The following PGM5 variants were observed in gnomAD, a reference collection of about 807,000 sequenced individuals.
PGM5 encodes the protein phosphoglucomutase-like protein 5.
In PGM5, 23 loss-of-function variants were observed where a neutral mutation model predicts 59.2. The observed-to-expected ratio is 0.39, with a 90% CI of 0.28 to 0.55. PGM5 has a LOEUF of 0.55. PGM5 is among the 20% of genes least tolerant of loss of function. The pLI, the probability that PGM5 is intolerant of heterozygous loss-of-function variation, is 0.66. For missense variants in PGM5, 574 were observed against 748.3 expected (o/e 0.77, Z 2.72); for synonymous variants, 214 against 286.0 (o/e 0.75, Z 2.54).
chr9:68,380,208 C>A lies in PGM5; in HGVS notation c.424+1847C>A, dbSNP rs1341420589. Among the ~76,000 whole-genome samples, 12 of 152,126 alleles carry A rather than the reference C, an allele frequency of 7.9e-5. No individual in the cohort carries two copies. In the East Asian group the frequency reaches 1.4e-3, roughly 17 times the overall value. On this transcript the variant is annotated intron_variant, in intron 2 of 10. Transcript: ENST00000396396. Reference sequence around the variant, plus strand: ...ACCATATGTTAGGCCACAAAATAAACCTTAACAAATTCAAAAAGATTGAAA... The same window carrying A: ...ACCATATGTTAGGCCACAAAATAAAACTTAACAAATTCAAAAAGATTGAAA...
chr9:68,370,501 A>C (rs1821665191), intron 1 of PGM5, among the ~76,000 whole-genome samples: 1 of 152,166 alleles, frequency 6.6e-6, no homozygotes, highest in Admixed American at 6.5e-5. Flanking sequence ...TAGAAATGGA[A>C]CTCATACTAA....
intron 6 of PGM5, among the ~76,000 whole-genome samples, chr9:68,409,200 G>A (rs199878084): frequency 2.0e-5 from 3 of 147,550 alleles, no homozygotes; most frequent in African/African-American, 7.5e-5. Context: ...AGTTAGAATG[G>A]CAATCATTAA....
At chr9:68,522,849 C>T (rs1824919631) in intron 10 of PGM5, among the ~76,000 whole-genome samples, 1 of 152,104 alleles carries the variant, frequency 6.6e-6, no homozygotes. Flanking sequence ...TTTCTCTCTA[C>T]CAACTCCTTT....
In PGM5 at chr9:68,465,125, A is replaced by G; in HGVS notation, c.1076A>G (p.Glu359Gly). 1 of 1,612,238 alleles carries G rather than the reference A, an allele frequency of 6.2e-7. No homozygotes were observed. Among genetic ancestry groups the G allele is most frequent in the Non-Finnish European group, 8.5e-7 (1 of 1,178,322 alleles). ...VAKSMKVPVYETPAGWRFFSN... is the reference protein window; with the variant it reads ...VAKSMKVPVYGTPAGWRFFSN... ...AAATCAATGAAGGTCCCTGTATATG[A>G]GACCCCAGCTGGATGGAGATTCTTC... Residue 359 changes from glutamate (E) to glycine (G), a missense_variant, in exon 7 of 11, where the codon GAG becomes GGG. This residue lies in a region of PGM5 where 300 missense variants were observed against 280.0 expected (regional missense o/e 1.07). Coordinates refer to ENST00000396396, the MANE Select transcript of PGM5 (RefSeq NM_021965.4).
intron 6 of PGM5, among the ~76,000 whole-genome samples, chr9:68,431,322 G>T (rs1393611020): frequency 6.6e-6 from 1 of 152,016 alleles, no homozygotes; most frequent in African/African-American, 2.4e-5. Flanking sequence ...GCATTCTCCT[G>T]TTTCTGTATC....
intron 9 of PGM5, among the ~76,000 whole-genome samples, chr9:68,491,103 G>T (rs552767294): frequency 6.6e-6 from 1 of 152,252 alleles, no homozygotes; most frequent in African/African-American, 2.4e-5. Flanking sequence ...CCTACTAGAC[G>T]CCAGTCAGCT....
chr9:68,462,539 A>G (rs143116077), intron 6 of PGM5, among the ~76,000 whole-genome samples: 232 of 152,264 alleles, frequency 1.5e-3, no homozygotes, highest in African/African-American at 5.2e-3. Flanking sequence ...GTCCTTTAAA[A>G]TCCAGCCGCA....
chr9:68,473,665 G>A (rs557055109), intron 7 of PGM5, among the ~76,000 whole-genome samples: 4 of 152,242 alleles, frequency 2.6e-5, no homozygotes, highest in African/African-American at 9.6e-5. Flanking sequence ...AAATAATCAG[G>A]AACCTCTTTG....
intron 6 of PGM5, among the ~76,000 whole-genome samples, chr9:68,422,836 A>G (rs1554682441): frequency 6.6e-6 from 1 of 152,148 alleles, no homozygotes; most frequent in East Asian, 1.9e-4. Flanking sequence ...TGAGCAGTAC[A>G]CAGTGCATGC....
chr9:68,525,459 A>T (rs765832223), intron 10 of PGM5, among the ~76,000 whole-genome samples: 1 of 152,170 alleles, frequency 6.6e-6, no homozygotes, highest in Non-Finnish European at 1.5e-5. Context: ...GCCCCATAGG[A>T]TTGGAATGGA....
chr9:68,510,871 A>G (rs757075970), intron 10 of PGM5, among the ~76,000 whole-genome samples: 9 of 152,242 alleles, frequency 5.9e-5, no homozygotes, highest in East Asian at 1.9e-4. Context: ...CTTCCAGGTC[A>G]TAGGTGGATT....
chr9:68,473,836 T>G (rs1477443569), intron 7 of PGM5, among the ~76,000 whole-genome samples: 2 of 152,056 alleles, frequency 1.3e-5, no homozygotes, highest in Non-Finnish European at 2.9e-5. Context: ...GTTTTCCAGA[T>G]GAAAATGGCA....
rs1422156809 is a variant in PGM5 at position 68,357,031 on chromosome 9, C to T, written c.-97C>T. On this transcript the variant is annotated 5_prime_UTR_variant, in exon 1 of 11. Transcript: ENST00000396396. ...CTGGAGAGGGGGCCCGGGCGCGAGGCGGAGTCCCGGCGCGCAGCCAGGCTG... is the reference window on the plus strand; with the variant it reads ...CTGGAGAGGGGGCCCGGGCGCGAGGTGGAGTCCCGGCGCGCAGCCAGGCTG... 4.0e-6 allele frequency: 5 copies of T among 1,255,738 alleles called. No individual in the cohort carries two copies. The highest frequency in any genetic ancestry group is 5.2e-6 in the Non-Finnish European group (5 of 963,638). The allele number at this position is 1,255,738 out of a possible 1,614,324, so 77.8% of individuals were successfully genotyped here.
chr9:68,439,025 C>G (rs1823484898), intron 6 of PGM5, among the ~76,000 whole-genome samples: 1 of 152,150 alleles, frequency 6.6e-6, no homozygotes, highest in Non-Finnish European at 1.5e-5. Context: ...ACACTGTTGC[C>G]TCTTTTTTCT....
intron 1 of PGM5, among the ~76,000 whole-genome samples, chr9:68,377,141 G>A (rs1821942185): frequency 6.6e-6 from 1 of 152,008 alleles, no homozygotes; most frequent in South Asian, 2.1e-4. Flanking sequence ...TGGCCAGGCT[G>A]GTCTCGAACT....
rs782172700 is a variant in PGM5 at position 68,378,226 on chromosome 9, G to A, written c.289G>A (p.Gly97Ser). The change falls in exon 2 of 11, where the codon GGC (glycine) becomes AGC (serine). Residue 97 changes from glycine (G) to serine (S), a missense_variant. Physicochemically the swap from Gly to Ser is moderately conservative, Grantham distance 56. Transcript: ENST00000396396. ...GIGRLIIGQN[G>S]ILSTPAVSCI... ...TGGACGACTGATTATTGGACAGAAT[G>A]GCATCTTGTCGACACCTGCGGTCTC... is the stretch of plus-strand genomic sequence containing the variant. The A allele has an allele frequency of 1.6e-5, 26 of 1,578,640 alleles. No homozygotes were observed. The highest frequency in any genetic ancestry group is 2.2e-5 in the Non-Finnish European group (26 of 1,166,598).
chr9:68,431,562 A>G (rs1287232552), intron 6 of PGM5, among the ~76,000 whole-genome samples: 1 of 152,174 alleles, frequency 6.6e-6, no homozygotes, highest in Non-Finnish European at 1.5e-5. Context: ...AACTTTCCAA[A>G]AGAGGCAACC....
intron 6 of PGM5, among the ~76,000 whole-genome samples, chr9:68,459,286 C>T (rs1437860319): frequency 6.6e-6 from 1 of 152,150 alleles, no homozygotes; most frequent in Non-Finnish European, 1.5e-5. Flanking sequence ...AATGAACACA[C>T]CCGTGTAACT....
chr9:68,478,844 C>T (rs963451757), intron 7 of PGM5, among the ~76,000 whole-genome samples: 1 of 152,222 alleles, frequency 6.6e-6, no homozygotes, highest in African/African-American at 2.4e-5. Flanking sequence ...AATAAGGTCA[C>T]ATTCACAGGT....
Sources: allele counts gnomAD v4.1 joint callset (sites outside exome capture counted in the v4.1 genomes callset), GRCh38; gene constraint gnomAD v4.1.1; regional missense constraint gnomAD v4.1.1; transcripts MANE v1.5; gene names NCBI Gene and HGNC (gene_info 2026-07-23, HGNC 2026-07-21).